The following XIRP2 variants were observed in gnomAD, a reference collection of about 807,000 sequenced individuals.
The protein encoded by XIRP2 is xin actin-binding repeat-containing protein 2.
XIRP2 carries 236 observed loss-of-function variants against 277.0 expected under a neutral mutation model. The ratio of observed to expected loss-of-function variants is 0.85; its 90% CI spans 0.77 to 0.95. The LOEUF (loss-of-function observed/expected upper bound fraction) is 0.95, where lower values mean the gene tolerates loss of function less well. Among genes scored for constraint, XIRP2 ranks in the 40% least tolerant of loss-of-function variants. The probability of loss-of-function intolerance (pLI) is 0.00; values close to 1 mark genes in which losing one functional copy is unlikely to be tolerated. For missense variants in XIRP2, 4,640 were observed against 4,157.5 expected (o/e 1.12, Z -3.19); for synonymous variants, 1,490 against 1,416.5 (o/e 1.05, Z -1.17).
At chr2:167,036,932 T>G (rs1372143440) in intron 2 of XIRP2, among the ~76,000 whole-genome samples, 2 of 152,134 alleles carry the variant, frequency 1.3e-5, no homozygotes, top group Admixed American at 1.3e-4. Context: ...TTCTTCATTC[T>G]CTCTTGCTGC....
intron 2 of XIRP2, among the ~76,000 whole-genome samples, chr2:167,115,718 C>A (rs769581652): frequency 1.5e-4 from 23 of 152,158 alleles, no homozygotes; most frequent in Admixed American, 2.6e-4. Context: ...AGTTGGCAGT[C>A]AAGCTGCATC....
At chr2:167,125,362 A>G (rs898555562) in intron 2 of XIRP2, among the ~76,000 whole-genome samples, 3 of 152,164 alleles carry the variant, frequency 2.0e-5, no homozygotes, top group African/African-American at 7.2e-5. Context: ...TCTAGCCTAC[A>G]TTATTTCAGT....
chr2:167,045,670 A>G (rs982643443), intron 2 of XIRP2, among the ~76,000 whole-genome samples: 1 of 152,136 alleles, frequency 6.6e-6, no homozygotes, highest in African/African-American at 2.4e-5. Context: ...AATGCAAATC[A>G]AAACCACAAT....
intron 2 of XIRP2, among the ~76,000 whole-genome samples, chr2:167,007,466 T>C (rs1398150405): frequency 6.6e-6 from 1 of 151,664 alleles, no homozygotes; most frequent in Non-Finnish European, 1.5e-5. Context: ...TCAGTAATAA[T>C]CTATAATTTT....
At position 167,259,347 on chromosome 2, in the gene XIRP2, A is replaced by G; in HGVS notation, c.*1530A>G. ...GAGCAGATTAAAAGAAACAGGTGCT[A>G]CAGTGACACTGAGTAAAATATCTAT... is the stretch of plus-strand genomic sequence containing the variant. On this transcript the variant is annotated 3_prime_UTR_variant, in exon 11 of 11. Coordinates refer to ENST00000409195, the MANE Select transcript of XIRP2 (RefSeq NM_152381.6). 1 of 1,606,132 alleles carries G rather than the reference A, an allele frequency of 6.2e-7. No individual in the cohort carries two copies. The highest frequency in any genetic ancestry group is 8.5e-7 in the Non-Finnish European group (1 of 1,177,000).
intron 2 of XIRP2, among the ~76,000 whole-genome samples, chr2:167,080,185 C>T (rs1689691804): frequency 2.0e-5 from 3 of 152,006 alleles, no homozygotes; most frequent in Non-Finnish European, 2.9e-5. Context: ...GTGTTGTTTG[C>T]TATAATGGTG....
chr2:167,190,383 A>AC (rs1693293816), intron 3 of XIRP2, among the ~76,000 whole-genome samples: 1 of 150,730 alleles, frequency 6.6e-6, no homozygotes, highest in Non-Finnish European at 1.5e-5. Context: ...CCCCACCCCT[A>AC]CCCCCCACTC....
intron 1 of XIRP2, among the ~76,000 whole-genome samples, chr2:166,889,284 A>G (rs4641951): frequency 0.54 from 82,440 of 152,056 alleles, 23,973 homozygotes; most frequent in African/African-American, 0.74. Context: ...GCACCTTTCT[A>G]TCTCAGAGAT....
chr2:167,212,938 A>G (rs1003645431), intron 4 of XIRP2, among the ~76,000 whole-genome samples: 1 of 120,874 alleles, frequency 8.3e-6, no homozygotes, highest in African/African-American at 3.1e-5. Flanking sequence ...CACACCAAAA[A>G]AAATCATGAA....
chr2:167,214,264 AGAG>A (rs1694170228), intron 4 of XIRP2, among the ~76,000 whole-genome samples: 1 of 76,544 alleles, frequency 1.3e-5, no homozygotes, highest in Non-Finnish European at 2.3e-5. Context: ...AAGGAAAGAG[AGAG>A]AGAGAAAGAG....
At chr2:166,939,126 C>T (rs1427451072) in intron 2 of XIRP2, among the ~76,000 whole-genome samples, 1 of 152,120 alleles carries the variant, frequency 6.6e-6, no homozygotes, top group Non-Finnish European at 1.5e-5. Context: ...GAATTTGATC[C>T]TGTCATTATA....
intron 2 of XIRP2, among the ~76,000 whole-genome samples, chr2:166,968,825 A>G (rs900322677): frequency 2.0e-5 from 3 of 152,128 alleles, no homozygotes; most frequent in East Asian, 1.9e-4. Context: ...ACAAAACACA[A>G]TGATGCTATA....
intron 2 of XIRP2, among the ~76,000 whole-genome samples, chr2:167,126,191 TCTCTCTCA>T (rs900358375): frequency 6.7e-5 from 9 of 134,042 alleles, no homozygotes; most frequent in African/African-American, 2.5e-4. Context: ...TCTCTCTCTC[TCTCTCTCA>T]CACTCTCACT....
intron 5 of XIRP2, among the ~76,000 whole-genome samples, chr2:167,219,349 AG>A (rs1303776197): frequency 6.6e-6 from 1 of 152,250 alleles, no homozygotes; most frequent in African/African-American, 2.4e-5. Context: ...GTTGCAATGT[AG>A]GAGTCTTTGA....
intron 3 of XIRP2, among the ~76,000 whole-genome samples, chr2:167,144,786 TA>T (rs1472015880): frequency 1.3e-5 from 2 of 152,176 alleles, no homozygotes; most frequent in Non-Finnish European, 2.9e-5. Context: ...GGCATCAGAA[TA>T]TGAAGCCAAT....
In XIRP2 at chr2:167,178,020, C is replaced by A. The variant is rs369623412; in HGVS notation, c.563-32715C>A. 1.7e-4 allele frequency among the ~76,000 whole-genome samples: 25 copies of A among 148,512 alleles called. No homozygotes were observed. In the East Asian group the frequency reaches 1.8e-3, roughly 11 times the overall value. ...TATGCTAACAGAAATTGATTTGCAACATTATTCAGTAAAAACAAAAAAAAA... is the reference window on the plus strand; with the variant it reads ...TATGCTAACAGAAATTGATTTGCAAAATTATTCAGTAAAAACAAAAAAAAA... On this transcript the variant is annotated intron_variant, in intron 3 of 10. Coordinates refer to ENST00000409195, the MANE Select transcript of XIRP2 (RefSeq NM_152381.6).
intron 2 of XIRP2, among the ~76,000 whole-genome samples, chr2:167,036,735 T>C (rs182606268): frequency 1.3e-5 from 2 of 152,280 alleles, no homozygotes; most frequent in South Asian, 2.1e-4. Context: ...TGGAATGATA[T>C]GGTTTGGCTG....
chr2:167,027,742 C>T (rs1188483290), intron 2 of XIRP2, among the ~76,000 whole-genome samples: 5 of 152,056 alleles, frequency 3.3e-5, no homozygotes, highest in Non-Finnish European at 7.4e-5. Flanking sequence ...CCCTTAGCTG[C>T]AGGTCTGTTG....
At chr2:167,228,489 G>C (rs1354464102) in intron 5 of XIRP2, among the ~76,000 whole-genome samples, 1 of 152,106 alleles carries the variant, frequency 6.6e-6, no homozygotes, top group African/African-American at 2.4e-5. Context: ...GTCTTTTGCA[G>C]AACACCTTCT....
Sources: gnomAD v4.1 joint callset for allele counts (sites outside exome capture counted in the v4.1 genomes callset) on GRCh38, gnomAD v4.1.1 for gene constraint, MANE v1.5 for transcripts, NCBI Gene and HGNC (gene_info 2026-07-23, HGNC 2026-07-21) for gene names.